The following NR1H3 variants were observed in gnomAD, a reference collection of about 807,000 sequenced individuals.
NR1H3 encodes oxysterols receptor LXR-alpha.
A neutral mutation model predicts 48.1 loss-of-function variants in NR1H3; 19 were observed. That is an observed-to-expected ratio of 0.40 (90% CI 0.28 to 0.58). The LOEUF is 0.58. Among genes scored for constraint, NR1H3 ranks in the 20% least tolerant of loss-of-function variants. The pLI, the probability that NR1H3 is intolerant of heterozygous loss-of-function variation, is 0.50. For missense variants in NR1H3, 486 were observed against 595.9 expected (o/e 0.82, Z 1.92); for synonymous variants, 232 against 227.3 (o/e 1.02, Z -0.19).
upstream of NR1H3, among the ~76,000 whole-genome samples, chr11:47,256,264 C>T (rs1262153327): frequency 1.3e-5 from 2 of 152,046 alleles, no homozygotes; most frequent in Admixed American, 1.3e-4. Context: ...TGGTCTCGAA[C>T]TCCTGACCTC....
chr11:47,256,685 A>G (rs1390380890), upstream of NR1H3, among the ~76,000 whole-genome samples: 1 of 151,448 alleles, frequency 6.6e-6, no homozygotes, highest in African/African-American at 2.4e-5. Flanking sequence ...ATAATAAAAA[A>G]AATTGACTAG....
chr11:47,267,514 CTTT>C (rs113681661), intron 7 of NR1H3, among the ~76,000 whole-genome samples: 2 of 145,270 alleles, frequency 1.4e-5, no homozygotes, highest in Non-Finnish European at 3.0e-5. Context: ...CCTTGTAGAC[CTTT>C]TTTTTTTTTT....
chr11:47,257,751 G>A (rs1955324576), upstream of NR1H3: 6 of 980,160 alleles, frequency 6.1e-6, no homozygotes, highest in South Asian at 2.4e-4. Context: ...GAGAGGAAGG[G>A]GAGAGACATG....
intron 7 of NR1H3, among the ~76,000 whole-genome samples, chr11:47,264,903 G>A (rs1956299543): frequency 6.6e-6 from 1 of 152,178 alleles, no homozygotes; most frequent in Non-Finnish European, 1.5e-5. Flanking sequence ...CCTCAGAGGT[G>A]CATTAGCTAA....
upstream of NR1H3, among the ~76,000 whole-genome samples, chr11:47,256,337 G>A (rs573842158): frequency 1.1e-4 from 17 of 152,238 alleles, no homozygotes; most frequent in Middle Eastern, 0.014. Context: ...CACCGTGCCC[G>A]TTCTATTTAT....
At chr11:47,264,511 G>A (rs183731357) in intron 7 of NR1H3, among the ~76,000 whole-genome samples, 15 of 152,274 alleles carry the variant, frequency 9.9e-5, no homozygotes, top group Admixed American at 5.9e-4. Flanking sequence ...CAGCTTTAAA[G>A]CCCAGCCCTG....
intron 1 of NR1H3, chr11:47,258,972 TCCTAGAC>T (rs1955514848): frequency 1.0e-5 from 9 of 857,456 alleles, no homozygotes; most frequent in East Asian, 3.3e-5. Context: ...GCCCAGGAAT[TCCTAGAC>T]TAGCCTGGGC....
At chr11:47,267,665 C>G (rs1035093458) in intron 7 of NR1H3, among the ~76,000 whole-genome samples, 1 of 152,136 alleles carries the variant, frequency 6.6e-6, no homozygotes, top group Non-Finnish European at 1.5e-5. Context: ...CCTGCCACCA[C>G]GCCCGGCTAG....
intron 2 of NR1H3, 133 bp from the exon 3 acceptor site, chr11:47,259,658 G>T: frequency 6.6e-7 from 1 of 1,513,752 alleles, no homozygotes; most frequent in Non-Finnish European, 8.8e-7. Context: ...AGACTCTAGG[G>T]TCCCAAAGCC....
At position 47,268,745 on chromosome 11, in the gene NR1H3, T is replaced by C. The variant is rs1957723497; in HGVS notation, c.*49T>C. The C allele has an allele frequency of 6.3e-7, 1 of 1,596,266 alleles. No individual in the cohort carries two copies. Among genetic ancestry groups the C allele is most frequent in the Non-Finnish European group, 8.5e-7 (1 of 1,170,528 alleles). On this transcript the variant is annotated 3_prime_UTR_variant, in exon 10 of 10. Transcript: ENST00000441012. Reference sequence around the variant, plus strand: ...TTTTCTTGGCCGGATGGCTGAGGCCTGGTGGCTGCCTCCTAGAAGTGGAAC... The same window carrying C: ...TTTTCTTGGCCGGATGGCTGAGGCCCGGTGGCTGCCTCCTAGAAGTGGAAC...
At chr11:47,252,750 CT>C (rs759933147) in intron 1 of NR1H3, among the ~76,000 whole-genome samples, 138 of 136,674 alleles carry the variant, frequency 1.0e-3, no homozygotes, top group South Asian at 9.5e-4. Context: ...ATTTTTTTGG[CT>C]TTTTTTTTTT....
chr11:47,260,377 G>T (rs1279369774), intron 3 of NR1H3, 32 bp from the exon 4 acceptor site: 6 of 1,583,072 alleles, frequency 3.8e-6, no homozygotes, highest in Non-Finnish European at 8.6e-7. Flanking sequence ...TTTTCCTCGG[G>T]GGAGAGCGTT....
At chr11:47,265,182 T>C (rs1325659739) in intron 7 of NR1H3, among the ~76,000 whole-genome samples, 1 of 149,080 alleles carries the variant, frequency 6.7e-6, no homozygotes, top group African/African-American at 2.5e-5. Context: ...TGGTCCCAGC[T>C]ACTCAGGAGG....
At chr11:47,253,261 A>G (rs902933434), upstream of NR1H3, among the ~76,000 whole-genome samples, 1 of 151,354 alleles carries the variant, frequency 6.6e-6, no homozygotes, top group Non-Finnish European at 1.5e-5. Context: ...GAGCCACCAC[A>G]CCCAGTCTTA....
intron 7 of NR1H3, among the ~76,000 whole-genome samples, chr11:47,262,922 T>C (rs1956061369): frequency 6.6e-6 from 1 of 152,188 alleles, no homozygotes; most frequent in South Asian, 2.1e-4. Context: ...AAAATTGGAA[T>C]GCTGATAGGC....
chr11:47,262,252 G>A (rs917710953), intron 7 of NR1H3, among the ~76,000 whole-genome samples: 12 of 151,800 alleles, frequency 7.9e-5, no homozygotes, highest in Non-Finnish European at 1.8e-4. Flanking sequence ...GGTGGCACGC[G>A]CCTGTAGCCC....
chr11:47,249,094 T>C (rs2135551370), intron 1 of NR1H3: 1 of 1,232,502 alleles, frequency 8.1e-7, no homozygotes, highest in East Asian at 2.6e-5. Flanking sequence ...AGAAATCCCT[T>C]ACCAAGGTGG....
At chr11:47,254,172 G>T (rs1306025578), upstream of NR1H3, among the ~76,000 whole-genome samples, 4 of 152,166 alleles carry the variant, frequency 2.6e-5, no homozygotes, top group Admixed American at 1.3e-4. Context: ...ACAAGATGGG[G>T]CTCGTATGTG....
chr11:47,267,564 A>C (rs1956790059), intron 7 of NR1H3, among the ~76,000 whole-genome samples: 1 of 150,268 alleles, frequency 6.7e-6, no homozygotes, highest in African/African-American at 2.5e-5. Context: ...GCTGGAGTGC[A>C]GTAGTGCAAT....
Sources: allele counts gnomAD v4.1 joint callset (sites outside exome capture counted in the v4.1 genomes callset), GRCh38; gene constraint gnomAD v4.1.1; transcripts MANE v1.5; gene names NCBI Gene and HGNC (gene_info 2026-07-23, HGNC 2026-07-21).